CFAP221: variants seen among roughly 807,000 people sequenced by gnomAD.
CFAP221 encodes cilia- and flagella-associated protein 221.
A neutral mutation model predicts 113.1 loss-of-function variants in CFAP221; 97 were observed. The observed-to-expected ratio is 0.86, with a 90% CI of 0.73 to 1.02. The LOEUF (loss-of-function observed/expected upper bound fraction) is 1.02. Ranked by LOEUF, CFAP221 falls within the 50% of genes least tolerant of loss-of-function variation. CFAP221 has a pLI of 0.00. For synonymous variants in CFAP221, 331 were observed against 354.4 expected (o/e 0.93, Z 0.74); for missense variants, 1,025 against 1,013.4 (o/e 1.01, Z -0.16).
intron 14 of CFAP221, among the ~76,000 whole-genome samples, chr2:119,624,957 C>T (rs1321662471): frequency 2.0e-5 from 3 of 151,172 alleles, no homozygotes; most frequent in Non-Finnish European, 4.4e-5. Flanking sequence ...TACCATGGCA[C>T]GTTTATACTT....
chr2:119,628,483 A>G (rs762702294), intron 16 of CFAP221, among the ~76,000 whole-genome samples: 1 of 152,214 alleles, frequency 6.6e-6, no homozygotes, highest in Non-Finnish European at 1.5e-5. Flanking sequence ...GGTTCATCTC[A>G]TTTAATCTTC....
At chr2:119,588,223 G>A (rs1318274594) in intron 7 of CFAP221, among the ~76,000 whole-genome samples, 4 of 152,144 alleles carry the variant, frequency 2.6e-5, no homozygotes, top group African/African-American at 4.8e-5. Flanking sequence ...AGTTCCATGG[G>A]CTGAAGGGAC....
chr2:119,610,897 C>A (rs1435669985), intron 12 of CFAP221, among the ~76,000 whole-genome samples: 1 of 152,180 alleles, frequency 6.6e-6, no homozygotes, highest in Non-Finnish European at 1.5e-5. Context: ...CCCACCTGGG[C>A]AGACACATAT....
At chr2:119,628,048 C>G (rs1686463231) in intron 16 of CFAP221, among the ~76,000 whole-genome samples, 2 of 152,164 alleles carry the variant, frequency 1.3e-5, no homozygotes, top group African/African-American at 4.8e-5. Flanking sequence ...TGACCCCCGC[C>G]CAACTGCCCT....
chr2:119,638,467 G>GGGGCAGGGGACAA, intron 20 of CFAP221, 50 bp downstream of exon 20: 2 of 1,604,608 alleles, frequency 1.2e-6, no homozygotes. Context: ...GCTGCAGGGA[G>GGGGCAGGGGACAA]GGGCAGGGGA....
chr2:119,604,819 A>T, intron 9 of CFAP221, 27 bp downstream of exon 9: 1 of 1,601,158 alleles, frequency 6.2e-7, no homozygotes, highest in Non-Finnish European at 8.5e-7. Context: ...CCTTGGTGCG[A>T]TGAAAGGGTG....
Position 119,656,524 on chromosome 2 carries a change from CCTT to C in CFAP221, c.*55_*57del. Reference sequence around the variant, plus strand: ...TTGCTTTCCGTGGGCCACTGTGGCCCCTTGCGTCCATTTACATGCCAGCCATCT... The same window carrying C: ...TTGCTTTCCGTGGGCCACTGTGGCCCGCGTCCATTTACATGCCAGCCATCT... On this transcript the variant is annotated 3_prime_UTR_variant, in exon 24 of 24. Transcript: ENST00000413369. 1.6e-6 allele frequency: 2 copies of C among 1,276,930 alleles called. No homozygotes were observed. The highest frequency in any genetic ancestry group is 2.3e-6 in the Non-Finnish European group (2 of 886,444). 79.1% of individuals were successfully genotyped at this position (1,276,930 alleles called of 1,614,324 possible).
chr2:119,597,767 G>A (rs904237698), intron 7 of CFAP221, among the ~76,000 whole-genome samples: 15 of 152,134 alleles, frequency 9.9e-5, no homozygotes, highest in African/African-American at 3.4e-4. Flanking sequence ...TTTCCCATTG[G>A]TTACTTGATG....
intron 1 of CFAP221, 91 bp from the exon 2 acceptor site, chr2:119,545,994 C>T (rs1680024626): frequency 3.1e-6 from 3 of 954,624 alleles, no homozygotes; most frequent in Non-Finnish European, 4.5e-6. Context: ...CCACAGTAAA[C>T]CACACAGAGA....
Position 119,559,940 on chromosome 2 carries a change from G to A in CFAP221, c.340G>A (p.Val114Ile), listed in dbSNP as rs1358086571. 2 of 1,535,696 alleles carry A rather than the reference G, an allele frequency of 1.3e-6. No individual in the cohort carries two copies. The highest frequency in any genetic ancestry group is 1.7e-6 in the Non-Finnish European group (2 of 1,146,764). Residue 114 changes from valine to isoleucine, a missense_variant, in exon 5 of 24, where the codon GTC becomes ATC. Coordinates refer to ENST00000413369, the MANE Select transcript of CFAP221 (RefSeq NM_001271049.2). Reference sequence around the variant, plus strand: ...ACCTGTCTTCCAGGAACACCACCTGGTCCCTGGCTTGTCCCTCACGGTCAC... The same window carrying A: ...ACCTGTCTTCCAGGAACACCACCTGATCCCTGGCTTGTCCCTCACGGTCAC... The part of the protein sequence containing the change: ...INYVRKEHHL[V>I]PGLSLTVTVT...
At chr2:119,650,427 A>G (rs1574238941) in intron 22 of CFAP221, among the ~76,000 whole-genome samples, 1 of 152,264 alleles carries the variant, frequency 6.6e-6, no homozygotes, top group Non-Finnish European at 1.5e-5. Flanking sequence ...TCTTTCCGCC[A>G]GGCCCACTGG....
At chr2:119,605,376 AAT>A in intron 11 of CFAP221, 87 bp downstream of exon 11, 2 of 1,055,682 alleles carry the variant, frequency 1.9e-6, no homozygotes, top group Non-Finnish European at 2.8e-6. Context: ...AGTAAAATGT[AAT>A]AACCTTTTAG....
At chr2:119,615,268 T>G (rs1313593539) in intron 13 of CFAP221, among the ~76,000 whole-genome samples, 3 of 152,210 alleles carry the variant, frequency 2.0e-5, no homozygotes, top group Admixed American at 1.3e-4. Flanking sequence ...CCAGGGGATC[T>G]CACAGCCCAT....
chr2:119,639,686 C>T, intron 20 of CFAP221, 95 bp from the exon 21 acceptor site: 1 of 993,186 alleles, frequency 1.0e-6, no homozygotes, highest in South Asian at 1.4e-5. Flanking sequence ...GGTGCTTAGC[C>T]TTTTAAGTCT....
intron 13 of CFAP221, 121 bp downstream of exon 13, chr2:119,611,863 T>G: frequency 1.3e-6 from 1 of 777,222 alleles, no homozygotes; most frequent in East Asian, 2.7e-5. Context: ...CTTTTTAATT[T>G]GCATACATTT....
chr2:119,589,737 A>T (rs948404890), intron 7 of CFAP221: 20 of 152,336 alleles, frequency 1.3e-4, no homozygotes, highest in African/African-American at 4.6e-4. Flanking sequence ...TCAACTGGCC[A>T]TCCTTAAGAT....
At chr2:119,644,995 C>CCGT (rs1553496222) in intron 21 of CFAP221, among the ~76,000 whole-genome samples, 1 of 516 alleles carries the variant, frequency 1.9e-3, no homozygotes, top group Admixed American at 0.033. Flanking sequence ...TTCCAGGTCC[C>CCGT]CCCCCCCACC....
rs546439903 is a variant in CFAP221 at position 119,559,881 on chromosome 2, C to T, written c.328-47C>T. On this transcript the variant is annotated intron_variant, in intron 4 of 23. Transcript: ENST00000413369. ...GTGTTGTCACCCCCGGTGCTGCTCT[C>T]TGTGCAGTCCGGGGCTTGTCCCAAC... The T allele has an allele frequency of 8.0e-6, 12 of 1,496,552 alleles. No individual in the cohort carries two copies. In the East Asian group the frequency reaches 2.2e-4, roughly 28 times the overall value. The allele number at this position is 1,496,552 out of a possible 1,614,324, so 92.7% of individuals were successfully genotyped here.
intron 8 of CFAP221, among the ~76,000 whole-genome samples, chr2:119,604,199 G>A (rs948878975): frequency 1.3e-5 from 2 of 152,170 alleles, no homozygotes; most frequent in African/African-American, 4.8e-5. Context: ...ACTTTGGGAG[G>A]CAGAGGCTGG....
Sources: gnomAD v4.1 joint callset for allele counts (sites outside exome capture counted in the v4.1 genomes callset) on GRCh38, gnomAD v4.1.1 for gene constraint, MANE v1.5 for transcripts, NCBI Gene and HGNC (gene_info 2026-07-23, HGNC 2026-07-21) for gene names.